Variants in SERINC5 observed in about 807,000 individuals in gnomAD.
The protein encoded by SERINC5 is serine incorporator 5.
In SERINC5, 41 loss-of-function variants were observed where a neutral mutation model predicts 63.1. That is an observed-to-expected ratio of 0.65 (90% confidence interval 0.51 to 0.84). The LOEUF is 0.84. SERINC5 is among the 40% of genes least tolerant of loss of function. The pLI is 0.00. For synonymous variants in SERINC5, 222 were observed against 215.2 expected (o/e 1.03, Z -0.28); for missense variants, 523 against 573.0 (o/e 0.91, Z 0.89).
chr5:80,239,080 G>GA (rs1024564368), intron 1 of SERINC5, among the ~76,000 whole-genome samples: 29 of 152,222 alleles, frequency 1.9e-4, no homozygotes, highest in African/African-American at 7.0e-4. Flanking sequence ...CCTGTTTCCT[G>GA]AAAAAAACTT....
In SERINC5 at chr5:80,178,018, G is replaced by T; in HGVS notation, c.242C>A (p.Thr81Asn). The change falls in exon 3 of 12, where the codon ACC (threonine) becomes AAC (asparagine). Residue 81 changes from threonine (T) to asparagine (N), a missense_variant. By Grantham distance (65) the Thr-to-Asn change is moderately conservative. Transcript: ENST00000507668. ...AGAATATCCCACCAGCTTCTCACAG[G>T]TGTCACCAGCTTTAATGCCTTTACA... ...DMCKGIKAGD[T>N]CEKLVGYSAV... 1 of 1,612,276 alleles carries T rather than the reference G, an allele frequency of 6.2e-7. No individual in the cohort carries two copies. The highest frequency in any genetic ancestry group is 8.5e-7 in the Non-Finnish European group (1 of 1,179,254).
At chr5:80,180,498 A>G (rs570462718) in intron 2 of SERINC5, among the ~76,000 whole-genome samples, 1 of 152,180 alleles carries the variant, frequency 6.6e-6, no homozygotes, top group Non-Finnish European at 1.5e-5. Flanking sequence ...CAAATGAGAG[A>G]CTGAGGCAAG....
intron 1 of SERINC5, 154 bp from the exon 2 acceptor site, chr5:80,203,207 T>TATTA: frequency 1.5e-6 from 1 of 683,832 alleles, no homozygotes; most frequent in South Asian, 1.6e-5. Flanking sequence ...GAGTTCAAGT[T>TATTA]TAGCCTGGTC....
intron 1 of SERINC5, among the ~76,000 whole-genome samples, chr5:80,236,151 G>A (rs1751676649): frequency 6.6e-6 from 1 of 152,176 alleles, no homozygotes; most frequent in South Asian, 2.1e-4. Flanking sequence ...TCCCAAGGGA[G>A]AGTGACGGTC....
chr5:80,152,491 CA>C (rs199692612), intron 8 of SERINC5, among the ~76,000 whole-genome samples: 1,504 of 99,900 alleles, frequency 0.015, 7 homozygotes, highest in Middle Eastern at 0.032. Flanking sequence ...GACCCTGTCT[CA>C]AAAAAAAAAA....
At chr5:80,171,454 T>C (rs1747651025) in intron 5 of SERINC5, among the ~76,000 whole-genome samples, 1 of 152,066 alleles carries the variant, frequency 6.6e-6, no homozygotes, top group East Asian at 1.9e-4. Flanking sequence ...TTCCCTGTAC[T>C]GAAGAGAAGG....
At position 80,139,790 on chromosome 5, in the gene SERINC5, A is replaced by T; in HGVS notation, c.*3873T>A. ...CATTGTCCCTGAAGAAGGAGGGCCC[A>T]GTGTTCTTTCTGGGTGTGTAAGGTC... On this transcript the variant is annotated 3_prime_UTR_variant, in exon 12 of 12. Coordinates refer to ENST00000507668, the MANE Select transcript of SERINC5 (RefSeq NM_001174072.3). 1 of 985,426 alleles carries T rather than the reference A, an allele frequency of 1.0e-6. No homozygotes were observed. Among genetic ancestry groups the T allele is most frequent in the Non-Finnish European group, 1.2e-6 (1 of 829,944 alleles). 61.0% of individuals were successfully genotyped at this position (985,426 alleles called of 1,614,324 possible).
At chr5:80,184,880 T>G (rs1748702803) in intron 2 of SERINC5, among the ~76,000 whole-genome samples, 2 of 152,052 alleles carry the variant, frequency 1.3e-5, no homozygotes, top group South Asian at 4.2e-4. Flanking sequence ...ACACACTGTA[T>G]GTTGTTTCTT....
chr5:80,239,203 C>T (rs1014980006), intron 1 of SERINC5, among the ~76,000 whole-genome samples: 2 of 152,188 alleles, frequency 1.3e-5, no homozygotes, highest in African/African-American at 4.8e-5. Flanking sequence ...AGAATGGCAA[C>T]GCAGGACCCG....
intron 7 of SERINC5, among the ~76,000 whole-genome samples, chr5:80,160,806 G>C (rs1746831890): frequency 6.6e-6 from 1 of 151,836 alleles, no homozygotes; most frequent in Non-Finnish European, 1.5e-5. Flanking sequence ...GTCTGTGTCT[G>C]CTTGTTTCAC....
intron 5 of SERINC5, among the ~76,000 whole-genome samples, chr5:80,170,073 A>G (rs1226181485): frequency 6.6e-6 from 1 of 152,178 alleles, no homozygotes; most frequent in Non-Finnish European, 1.5e-5. Flanking sequence ...ACTAGTGCCC[A>G]GTAAACCCTG....
In SERINC5 at chr5:80,209,163, G is replaced by A. The variant is rs117274145; in HGVS notation, c.28-6110C>T. Among the ~76,000 whole-genome samples the A allele has an allele frequency of 2.6e-3, 401 of 152,264 alleles. 15 individuals are homozygous for A. The East Asian group carries it at 0.07, about 27-fold the overall frequency. ...GCACATGCCTGCAGTCCCAGCTTCT[G>A]AGGAGTCTGAGGCACGAGAATCGCT... On this transcript the variant is annotated intron_variant, in intron 1 of 11. Coordinates refer to ENST00000507668, the MANE Select transcript of SERINC5 (RefSeq NM_001174072.3).
intron 11 of SERINC5, among the ~76,000 whole-genome samples, chr5:80,126,151 C>T (rs542104530): frequency 7.9e-5 from 12 of 152,100 alleles, no homozygotes; most frequent in Admixed American, 5.9e-4. Flanking sequence ...AAGGAGGAAC[C>T]GAAAATCTGA....
intron 1 of SERINC5, among the ~76,000 whole-genome samples, chr5:80,241,570 A>T (rs1751942870): frequency 6.6e-6 from 1 of 152,158 alleles, no homozygotes; most frequent in Admixed American, 6.6e-5. Context: ...ACAGAAGAGG[A>T]AATGAGCCAG....
At chr5:80,174,556 T>C (rs1218659520) in intron 5 of SERINC5, among the ~76,000 whole-genome samples, 2 of 152,014 alleles carry the variant, frequency 1.3e-5, no homozygotes, top group Non-Finnish European at 2.9e-5. Context: ...TTAGTTGTTC[T>C]ATTAAGAGCA....
At chr5:80,240,192 A>C (rs184950452) in intron 1 of SERINC5, among the ~76,000 whole-genome samples, 25 of 152,330 alleles carry the variant, frequency 1.6e-4, no homozygotes, top group Admixed American at 1.3e-3. Flanking sequence ...CAAAAAATGC[A>C]CACAGCTCAG....
chr5:80,158,835 C>A lies in SERINC5; in HGVS notation c.986+1G>T, dbSNP rs1318433041. 3 of 1,613,064 alleles carry A rather than the reference C, an allele frequency of 1.9e-6. No individual in the cohort carries two copies. Among genetic ancestry groups the A allele is most frequent in the East Asian group, 2.2e-5 (1 of 44,872 alleles). On this transcript the variant is annotated splice_donor_variant, in intron 8 of 11. Transcript: ENST00000507668. LOFTEE classifies it high-confidence loss of function. The stretch of plus-strand genomic sequence containing the variant: ...GACCTTGAGTAACTCCCAAGACTTA[C>A]CATGAATACAAGATACATCCGATTA...
rs1745626884 is a variant in SERINC5, at chr5:80,143,411, C to G, written c.*252G>C. ...AGAAGGAAGTCAACATAACTGGTATCCAGTTCCTAGGGGTAAGATATTTCA... is the reference window on the plus strand; with the variant it reads ...AGAAGGAAGTCAACATAACTGGTATGCAGTTCCTAGGGGTAAGATATTTCA... On this transcript the variant is annotated 3_prime_UTR_variant, in exon 12 of 12. Coordinates refer to ENST00000507668, the MANE Select transcript of SERINC5 (RefSeq NM_001174072.3). 3.3e-6 allele frequency: 4 copies of G among 1,207,464 alleles called. No homozygotes were observed. Among genetic ancestry groups the G allele is most frequent in the South Asian group, 3.4e-5 (1 of 29,002 alleles). The allele number at this position is 1,207,464 out of a possible 1,614,324, so 74.8% of individuals were successfully genotyped here.
chr5:80,143,913 G>T, intron 11 of SERINC5, 103 bp from the exon 12 acceptor site: 1 of 1,313,930 alleles, frequency 7.6e-7, no homozygotes, highest in Non-Finnish European at 1.0e-6. Flanking sequence ...GGCTTTCAAT[G>T]TATTCATACA....
Sources: allele counts gnomAD v4.1 joint callset (sites outside exome capture counted in the v4.1 genomes callset), GRCh38; gene constraint gnomAD v4.1.1; transcripts MANE v1.5; gene names NCBI Gene and HGNC (gene_info 2026-07-23, HGNC 2026-07-21).